The following TLCD4 variants were observed in gnomAD, a reference collection of about 807,000 sequenced individuals.
TLCD4 encodes TLC domain-containing protein 4.
Under a neutral mutation model 24.2 loss-of-function variants are expected in TLCD4, and 7 were observed. The observed-to-expected ratio is 0.29, with a 90% CI of 0.16 to 0.54. The LOEUF is 0.54. Among genes scored for constraint, TLCD4 ranks in the 20% least tolerant of loss-of-function variants. The pLI, the probability that TLCD4 is intolerant of heterozygous loss-of-function variation, is 0.95. For synonymous variants in TLCD4, 103 were observed against 106.4 expected (o/e 0.97, Z 0.20); for missense variants, 259 against 313.9 (o/e 0.82, Z 1.32).
intron 3 of TLCD4, among the ~76,000 whole-genome samples, chr1:95,149,065 G>T (rs1377980520): frequency 3.9e-5 from 6 of 152,180 alleles, no homozygotes. Context: ...AATGAGTAAA[G>T]CCAAGTTATT....
At position 95,192,305 on chromosome 1, in the gene TLCD4, A is replaced by T. The variant is rs1249119313; in HGVS notation, c.*437A>T. On this transcript the variant is annotated 3_prime_UTR_variant, in exon 7 of 7. Coordinates refer to ENST00000370203, the MANE Select transcript of TLCD4 (RefSeq NM_152487.3). ...CAGAGCAAGACTCTGTCTCAAAAAAAAAAAAAAGAGAGAAACTAAAATTAA... is the reference window on the plus strand; with the variant it reads ...CAGAGCAAGACTCTGTCTCAAAAAATAAAAAAAGAGAGAAACTAAAATTAA... 1 of 152,434 alleles carries T rather than the reference A, an allele frequency of 6.6e-6. No homozygotes were observed. Among genetic ancestry groups the T allele is most frequent in the Non-Finnish European group, 1.5e-5 (1 of 68,370 alleles). The allele number at this position is 152,434 out of a possible 1,614,324, so 9.4% of individuals were successfully genotyped here. A position where few individuals can be genotyped will look rare whatever the true frequency, so the allele number is the denominator to read the frequency against.
intron 1 of TLCD4, among the ~76,000 whole-genome samples, chr1:95,127,212 C>G (rs1322840309): frequency 6.6e-6 from 1 of 152,188 alleles, no homozygotes; most frequent in Non-Finnish European, 1.5e-5. Context: ...AAGAACCCAA[C>G]AAGTGGGAGA....
chr1:95,135,965 G>A (rs146548581), intron 1 of TLCD4, among the ~76,000 whole-genome samples: 43 of 152,064 alleles, frequency 2.8e-4, no homozygotes, highest in African/African-American at 9.2e-4. Flanking sequence ...CAGGTGATCC[G>A]CTGGCCTTGA....
intron 5 of TLCD4, among the ~76,000 whole-genome samples, chr1:95,173,509 G>GT (rs940883522): frequency 2.6e-5 from 4 of 152,270 alleles, no homozygotes; most frequent in Non-Finnish European, 5.9e-5. Context: ...ATTACTAATG[G>GT]TTATTTAGAG....
chr1:95,110,626 C>G, the TLCD4 span, among the ~76,000 whole-genome samples: 1 of 151,754 alleles, frequency 6.6e-6, no homozygotes, highest in Non-Finnish European at 1.5e-5. Flanking sequence ...CGGTGGCTCA[C>G]GCCTGTAATC....
At chr1:95,134,492 G>A (rs868382277) in intron 1 of TLCD4, among the ~76,000 whole-genome samples, 1 of 152,158 alleles carries the variant, frequency 6.6e-6, no homozygotes, top group Non-Finnish European at 1.5e-5. Context: ...TGCAGGAGAA[G>A]AGGGGTGTCT....
chr1:95,124,750 A>G (rs1215249359), intron 1 of TLCD4, among the ~76,000 whole-genome samples: 1 of 152,188 alleles, frequency 6.6e-6, no homozygotes, highest in Non-Finnish European at 1.5e-5. Flanking sequence ...AGTAAAACCT[A>G]CAGAATACTA....
At chr1:95,159,511 T>G (rs1026839606) in intron 5 of TLCD4, among the ~76,000 whole-genome samples, 2 of 152,214 alleles carry the variant, frequency 1.3e-5, no homozygotes, top group African/African-American at 2.4e-5. Flanking sequence ...TTAGTTTAAT[T>G]AGATCGCATT....
intron 6 of TLCD4, among the ~76,000 whole-genome samples, chr1:95,175,464 C>T (rs553299359): frequency 6.6e-5 from 10 of 152,198 alleles, no homozygotes; most frequent in Non-Finnish European, 1.5e-4. Flanking sequence ...TACTTGCACC[C>T]CTGGCTATTG....
intron 6 of TLCD4, among the ~76,000 whole-genome samples, chr1:95,177,925 TTTTTC>T (rs1320705219): frequency 2.0e-5 from 3 of 151,516 alleles, no homozygotes; most frequent in South Asian, 2.1e-4. Context: ...CAACTGTCTT[TTTTTC>T]TTTTCTTTTT....
At chr1:95,101,840 T>C in the TLCD4 span, among the ~76,000 whole-genome samples, 2 of 151,898 alleles carry the variant, frequency 1.3e-5, no homozygotes, top group Non-Finnish European at 2.9e-5. Flanking sequence ...CAAGAAAAGA[T>C]GGGAGGAAAA....
chr1:95,175,904 T>A (rs1678407278), intron 6 of TLCD4, among the ~76,000 whole-genome samples: 1 of 151,936 alleles, frequency 6.6e-6, no homozygotes. Flanking sequence ...GCTTTCTAAG[T>A]AGCTGGGGCT....
the TLCD4 span, among the ~76,000 whole-genome samples, chr1:95,110,180 G>C: frequency 6.6e-6 from 1 of 151,126 alleles, no homozygotes; most frequent in Non-Finnish European, 1.5e-5. Context: ...ATATAGAAAT[G>C]ACAGTTTTAC....
chr1:95,155,080 T>G (rs1482615916), intron 5 of TLCD4, among the ~76,000 whole-genome samples: 3 of 151,234 alleles, frequency 2.0e-5, no homozygotes, highest in Admixed American at 2.0e-4. Flanking sequence ...GTCCAGGCCT[T>G]TGGTGGTAGA....
At chr1:95,099,693 A>T in the TLCD4 span, among the ~76,000 whole-genome samples, 2 of 152,194 alleles carry the variant, frequency 1.3e-5, no homozygotes, top group Non-Finnish European at 2.9e-5. Context: ...AATGATGATG[A>T]TGACAACAAT....
At chr1:95,108,498 A>AT in the TLCD4 span, among the ~76,000 whole-genome samples, 2 of 151,344 alleles carry the variant, frequency 1.3e-5, no homozygotes, top group East Asian at 3.9e-4. Flanking sequence ...TCATTTTTTG[A>AT]TTTTTTCTAG....
chr1:95,191,261 A>G (rs1679018361), intron 6 of TLCD4, among the ~76,000 whole-genome samples: 1 of 152,100 alleles, frequency 6.6e-6, no homozygotes, highest in South Asian at 2.1e-4. Context: ...TTTTGTCACA[A>G]ATCAGTTGAG....
chr1:95,191,572 T>C lies in TLCD4; in HGVS notation c.496T>C (p.Tyr166His). 2.5e-6 allele frequency: 4 copies of C among 1,612,298 alleles called. No individual in the cohort carries two copies. The highest frequency in any genetic ancestry group is 3.4e-6 in the Non-Finnish European group (4 of 1,179,130). The change falls in exon 7 of 7, where the codon TAT becomes CAT. Residue 166 changes from tyrosine to histidine, a missense_variant. Coordinates refer to ENST00000370203, the MANE Select transcript of TLCD4 (RefSeq NM_152487.3). The stretch of plus-strand genomic sequence containing the variant: ...CAGGTGGTTCTTTGAAGCTCTGAAG[T>C]ATCCCAAGTTTTCTAAAGCTATCGT... ...NQRWFFEALK[Y>H]PKFSKAIVIN... is the part of the protein sequence containing the mutation.
rs1031813868 is a variant in TLCD4 at position 95,195,229 on chromosome 1, G to C, written c.*3361G>C. The C allele has an allele frequency of 1.2e-4, 19 of 152,090 alleles. No individual in the cohort carries two copies. Among genetic ancestry groups the C allele is most frequent in the Non-Finnish European group, 2.6e-4 (18 of 68,006 alleles). The allele number at this position is 152,090 out of a possible 1,614,324, so 9.4% of individuals were successfully genotyped here. ...GAGAATGGTTCTTCACTGGTGTAGAGAGCCAGGTTTACTGTTGGTTGCACC... is the reference window on the plus strand; with the variant it reads ...GAGAATGGTTCTTCACTGGTGTAGACAGCCAGGTTTACTGTTGGTTGCACC... On this transcript the variant is annotated 3_prime_UTR_variant, in exon 7 of 7. Transcript: ENST00000370203.
Sources: allele counts gnomAD v4.1 joint callset (sites outside exome capture counted in the v4.1 genomes callset), GRCh38; gene constraint gnomAD v4.1.1; transcripts MANE v1.5; gene names NCBI Gene and HGNC (gene_info 2026-07-23, HGNC 2026-07-21).